CNTN5: variants seen among roughly 807,000 people sequenced by gnomAD.
The protein encoded by CNTN5 is contactin 5.
Under a neutral mutation model 129.1 loss-of-function variants are expected in CNTN5, and 77 were observed. The observed-to-expected ratio is 0.60, with a 90% CI of 0.50 to 0.72. CNTN5 has a LOEUF of 0.72. Among genes scored for constraint, CNTN5 ranks in the 30% least tolerant of loss-of-function variants. The pLI, the probability that CNTN5 is intolerant of heterozygous loss-of-function variation, is 0.00. For synonymous variants in CNTN5, 509 were observed against 465.6 expected (o/e 1.09, Z -1.20); for missense variants, 1,478 against 1,328.8 (o/e 1.11, Z -1.75).
chr11:100,041,540 A>C (rs755584244), intron 9 of CNTN5, among the ~76,000 whole-genome samples: 1 of 152,188 alleles, frequency 6.6e-6, no homozygotes, highest in Non-Finnish European at 1.5e-5. Flanking sequence ...CTGCTTTGGC[A>C]TGTGATTCTC....
intron 2 of CNTN5, among the ~76,000 whole-genome samples, chr11:99,454,179 T>C (rs1041766946): frequency 1.3e-5 from 2 of 151,840 alleles, no homozygotes; most frequent in Non-Finnish European, 2.9e-5. Flanking sequence ...AGTCAAAATA[T>C]ACCAATAAAG....
chr11:99,403,969 A>G (rs558840540), intron 2 of CNTN5, among the ~76,000 whole-genome samples: 3 of 152,242 alleles, frequency 2.0e-5, no homozygotes, highest in Admixed American at 6.5e-5. Flanking sequence ...GTCTCCAACT[A>G]TCATTGTATT....
At chr11:100,133,304 C>G (rs1375068079) in intron 13 of CNTN5, among the ~76,000 whole-genome samples, 1 of 152,034 alleles carries the variant, frequency 6.6e-6, no homozygotes, top group African/African-American at 2.4e-5. Context: ...AAAGAATTGC[C>G]AACATGAGAG....
At chr11:99,406,394 A>G (rs1266149832) in intron 2 of CNTN5, among the ~76,000 whole-genome samples, 1 of 81,864 alleles carries the variant, frequency 1.2e-5, no homozygotes, top group Non-Finnish European at 2.2e-5. Flanking sequence ...TTTGTCCCAA[A>G]CAGAGTCTCT....
At chr11:99,677,209 C>T (rs771381492) in intron 3 of CNTN5, among the ~76,000 whole-genome samples, 3 of 152,064 alleles carry the variant, frequency 2.0e-5, no homozygotes, top group Non-Finnish European at 2.9e-5. Flanking sequence ...TTTTATTGGC[C>T]GTCGCTCAGA....
intron 3 of CNTN5, among the ~76,000 whole-genome samples, chr11:99,804,035 T>C (rs1286432148): frequency 6.6e-6 from 1 of 152,184 alleles, no homozygotes; most frequent in Non-Finnish European, 1.5e-5. Context: ...TTTGTTTGTT[T>C]GTTTTATAAA....
chr11:99,514,466 G>T, intron 2 of CNTN5, among the ~76,000 whole-genome samples: 1 of 151,898 alleles, frequency 6.6e-6, no homozygotes, highest in East Asian at 1.9e-4. Flanking sequence ...AATCTTTCAA[G>T]AAAAGAAGAG....
chr11:99,815,084 C>A (rs1946541362), intron 3 of CNTN5, among the ~76,000 whole-genome samples: 1 of 152,118 alleles, frequency 6.6e-6, no homozygotes. Flanking sequence ...TCTGCCTTCA[C>A]ACCTGGGGAT....
At chr11:100,002,628 A>G (rs1452124821) in intron 9 of CNTN5, among the ~76,000 whole-genome samples, 1 of 152,104 alleles carries the variant, frequency 6.6e-6, no homozygotes, top group Non-Finnish European at 1.5e-5. Context: ...AGCTGTCAAT[A>G]TGTACAACAT....
chr11:99,239,717 C>T (rs1861444714), intron 1 of CNTN5, among the ~76,000 whole-genome samples: 2 of 152,108 alleles, frequency 1.3e-5, no homozygotes, highest in Admixed American at 6.6e-5. Context: ...GGGCGGATCA[C>T]GAGGTCAGCA....
intron 13 of CNTN5, among the ~76,000 whole-genome samples, chr11:100,086,345 G>T (rs909032693): frequency 1.1e-4 from 17 of 150,196 alleles, no homozygotes; most frequent in Non-Finnish European, 1.5e-4. Flanking sequence ...CAACGAGCTA[G>T]CAAGAAGCTA....
At chr11:99,513,268 G>A (rs985301136) in intron 2 of CNTN5, among the ~76,000 whole-genome samples, 14 of 152,262 alleles carry the variant, frequency 9.2e-5, no homozygotes, top group African/African-American at 1.4e-4. Flanking sequence ...TTTGAAGATA[G>A]CAGACGTTGG....
intron 3 of CNTN5, among the ~76,000 whole-genome samples, chr11:99,745,342 AT>A (rs1356261100): frequency 3.3e-5 from 5 of 152,146 alleles, no homozygotes; most frequent in Non-Finnish European, 7.3e-5. Flanking sequence ...ATCAGTAAAC[AT>A]TTTTATCCCA....
At chr11:100,158,719 G>T (rs1016431403) in intron 13 of CNTN5, among the ~76,000 whole-genome samples, 7 of 151,796 alleles carry the variant, frequency 4.6e-5, no homozygotes. Context: ...GGAACAAGGG[G>T]CAACCATACA....
At chr11:100,010,763 C>G (rs1591049755) in intron 9 of CNTN5, among the ~76,000 whole-genome samples, 1 of 152,254 alleles carries the variant, frequency 6.6e-6, no homozygotes, top group Non-Finnish European at 1.5e-5. Context: ...CTTACTATAC[C>G]TCAGCCATCC....
intron 1 of CNTN5, among the ~76,000 whole-genome samples, chr11:99,322,284 T>C (rs531731862): frequency 2.6e-5 from 4 of 152,300 alleles, no homozygotes; most frequent in African/African-American, 9.6e-5. Context: ...TTCTGGTGTC[T>C]ACTTGTGTAC....
chr11:99,406,560 G>T (rs1308950405), intron 2 of CNTN5, among the ~76,000 whole-genome samples: 1 of 152,072 alleles, frequency 6.6e-6, no homozygotes, highest in African/African-American at 2.4e-5. Context: ...CCTAACTACT[G>T]CCTATGCTCA....
At chr11:99,450,290 GTGTA>G (rs1944248990) in intron 2 of CNTN5, among the ~76,000 whole-genome samples, 1 of 148,352 alleles carries the variant, frequency 6.7e-6, no homozygotes, top group Non-Finnish European at 1.5e-5. Context: ...ATATATGTTT[GTGTA>G]TGTATGTATA....
At chr11:99,808,653 T>G (rs541044893) in intron 3 of CNTN5, among the ~76,000 whole-genome samples, 1 of 152,312 alleles carries the variant, frequency 6.6e-6, no homozygotes, top group Non-Finnish European at 1.5e-5. Context: ...CCTAGGCAAC[T>G]TTTTCACGTG....
Sources: allele counts gnomAD v4.1 joint callset (sites outside exome capture counted in the v4.1 genomes callset), GRCh38; gene constraint gnomAD v4.1.1; transcripts MANE v1.5; gene names NCBI Gene and HGNC (gene_info 2026-07-23, HGNC 2026-07-21).